Variants in CRISP2 observed in about 807,000 individuals in gnomAD.
The protein encoded by CRISP2 is cysteine-rich secretory protein 2.
In CRISP2, 29 loss-of-function variants were observed where a neutral mutation model predicts 31.7. The ratio of observed to expected loss-of-function variants is 0.92; its 90% confidence interval spans 0.68 to 1.25. The LOEUF (loss-of-function observed/expected upper bound fraction) is 1.25. Among genes scored for constraint, CRISP2 ranks in the 50% most tolerant of loss-of-function variants. The pLI, the probability that CRISP2 is intolerant of heterozygous loss-of-function variation, is 0.00. For synonymous variants in CRISP2, 111 were observed against 101.4 expected (o/e 1.09, Z -0.57); for missense variants, 318 against 286.5 (o/e 1.11, Z -0.79).
At chr6:49,685,264 G>A in the CRISP2 span, among the ~76,000 whole-genome samples, 76,536 of 152,060 alleles carry the variant, frequency 0.5, 19,643 homozygotes, top group East Asian at 0.77. Flanking sequence ...CAGCATTTCC[G>A]CCCTTTGGTG....
rs1165518459 is a variant in CRISP2, at chr6:49,701,500, G to GTA, written c.67-718_67-717dup. On this transcript the variant is annotated intron_variant, in intron 4 of 9. Transcript: ENST00000339139. ...AGCAGTATTACGTGTGTGTGTGTGT[G>GTA]TATATATATATATATATATATATAT... is the stretch of plus-strand genomic sequence containing the variant. Among the ~76,000 whole-genome samples, 201 of 46,536 alleles carry GTA rather than the reference G, an allele frequency of 4.3e-3. 4 individuals are homozygous for GTA. Among genetic ancestry groups the GTA allele is most frequent in the African/African-American group, 0.02 (190 of 9,726 alleles). 30.5% of individuals were successfully genotyped at this position (46,536 alleles called of 152,430 possible). A position where few individuals can be genotyped will look rare whatever the true frequency, so the allele number is the denominator to read the frequency against.
At chr6:49,707,618 G>A in intron 4 of CRISP2, among the ~76,000 whole-genome samples, 1 of 152,340 alleles carries the variant, frequency 6.6e-6, no homozygotes, top group African/African-American at 2.4e-5. Flanking sequence ...GGCCCTAGAT[G>A]ATGAATGAAT....
intron 4 of CRISP2, among the ~76,000 whole-genome samples, chr6:49,701,889 ATAT>A (rs1175054812): frequency 2.0e-4 from 18 of 89,060 alleles, no homozygotes; most frequent in Admixed American, 1.4e-3. Flanking sequence ...TATATATTAT[ATAT>A]TATTATATAT....
Position 49,698,437 on chromosome 6 carries a change from C to T in CRISP2, c.342G>A (p.Trp114Ter). The T allele has an allele frequency of 1.9e-6, 3 of 1,613,404 alleles. No homozygotes were observed. Among genetic ancestry groups the T allele is most frequent in the Non-Finnish European group, 2.5e-6 (3 of 1,179,638 alleles). ...PTSWSSAIQS[W>*]YDEILDFVYG... ...AGACAAAATCTAGGATCTCGTCATA[C>T]CAGCTTTGGATTGCAGAAGACCAGG... Residue 114 changes from tryptophan to a stop codon, truncating the protein, a stop_gained, in exon 7 of 10, where the codon TGG becomes TGA. Coordinates refer to ENST00000339139, the MANE Select transcript of CRISP2 (RefSeq NM_003296.4). LOFTEE classifies it high-confidence loss of function.
chr6:49,709,680 G>C (rs1242367939), intron 3 of CRISP2, among the ~76,000 whole-genome samples: 2 of 152,182 alleles, frequency 1.3e-5, no homozygotes, highest in African/African-American at 4.8e-5. Flanking sequence ...AAGATGACAA[G>C]GTTGTGATTA....
chr6:49,688,573 G>T (rs891479831), downstream of CRISP2, among the ~76,000 whole-genome samples: 4 of 152,054 alleles, frequency 2.6e-5, no homozygotes, highest in Non-Finnish European at 5.9e-5. Context: ...AAAATATTCC[G>T]AAAACAGATC....
At chr6:49,706,038 G>A (rs1290358458) in intron 4 of CRISP2, among the ~76,000 whole-genome samples, 1 of 152,230 alleles carries the variant, frequency 6.6e-6, no homozygotes, top group Non-Finnish European at 1.5e-5. Context: ...GCAACTGCAA[G>A]TTAGTCCTGC....
At chr6:49,678,868 C>A in the CRISP2 span, among the ~76,000 whole-genome samples, 1 of 152,082 alleles carries the variant, frequency 6.6e-6, no homozygotes, top group African/African-American at 2.4e-5. Flanking sequence ...GTCCCTGACT[C>A]CTCAAAATGA....
rs199692285 is a variant in CRISP2 at position 49,701,610 on chromosome 6, GTATATATATATACATTA to G, written c.67-843_67-827del. 2.1e-3 allele frequency among the ~76,000 whole-genome samples: 118 copies of G among 57,486 alleles called. 7 individuals are homozygous for G. Among genetic ancestry groups the G allele is most frequent in the East Asian group, 5.3e-3 (8 of 1,508 alleles). The allele number at this position is 57,486 out of a possible 152,430, so 37.7% of individuals were successfully genotyped here. A position where few individuals can be genotyped will look rare whatever the true frequency, so the allele number is the denominator to read the frequency against. On this transcript the variant is annotated intron_variant, in intron 4 of 9. Coordinates refer to ENST00000339139, the MANE Select transcript of CRISP2 (RefSeq NM_003296.4). ...GTGTATATATATACACACACACACG[GTATATATATATACATTA>G]TATATGTATACATTATATATGTATA...
At chr6:49,686,263 A>G in the CRISP2 span, among the ~76,000 whole-genome samples, 7 of 152,202 alleles carry the variant, frequency 4.6e-5, no homozygotes, top group African/African-American at 1.7e-4. Context: ...AGTTTATTTA[A>G]CCTGCCTTTT....
Position 49,692,552 on chromosome 6 carries a change from A to G in CRISP2, c.*221T>C, listed in dbSNP as rs1381001779. Reference sequence around the variant, plus strand: ...TCCTCAACCTGATTCAGTTCGTTATAAAGCACTAAATTTATGTCAGAGTTC... The same window carrying G: ...TCCTCAACCTGATTCAGTTCGTTATGAAGCACTAAATTTATGTCAGAGTTC... On this transcript the variant is annotated 3_prime_UTR_variant, in exon 10 of 10. Transcript: ENST00000339139. 4.7e-6 allele frequency: 2 copies of G among 421,418 alleles called. No homozygotes were observed. Among genetic ancestry groups the G allele is most frequent in the Non-Finnish European group, 4.3e-6 (1 of 233,646 alleles). The allele number at this position is 421,418 out of a possible 1,614,324, so 26.1% of individuals were successfully genotyped here.
intron 3 of CRISP2, among the ~76,000 whole-genome samples, chr6:49,710,094 A>G (rs1767744064): frequency 6.6e-6 from 1 of 152,126 alleles, no homozygotes; most frequent in African/African-American, 2.4e-5. Context: ...TGAGACTGTC[A>G]CTCCCAAATT....
At chr6:49,695,775 T>C in intron 9 of CRISP2, 61 bp downstream of exon 9, 1 of 1,259,410 alleles carries the variant, frequency 7.9e-7, no homozygotes, top group Non-Finnish European at 1.1e-6. Flanking sequence ...TTAAATTATA[T>C]AAAGAAAAGA....
At chr6:49,702,575 T>C (rs1766285593) in intron 4 of CRISP2, among the ~76,000 whole-genome samples, 1 of 152,090 alleles carries the variant, frequency 6.6e-6, no homozygotes, top group Non-Finnish European at 1.5e-5. Context: ...TGAGCAGCTT[T>C]TCGTATGTTG....
At chr6:49,688,464 T>G (rs1763953006), downstream of CRISP2, among the ~76,000 whole-genome samples, 1 of 152,324 alleles carries the variant, frequency 6.6e-6, no homozygotes, top group South Asian at 2.1e-4. Context: ...ATTAAAATAT[T>G]ATCTGCCACA....
At chr6:49,681,608 G>T in the CRISP2 span, among the ~76,000 whole-genome samples, 1 of 152,100 alleles carries the variant, frequency 6.6e-6, no homozygotes, top group African/African-American at 2.4e-5. Context: ...AACAAATTTA[G>T]TGTAGCAAAT....
intron 5 of CRISP2, 62 bp from the exon 6 acceptor site, chr6:49,699,953 A>G (rs1765382083): frequency 7.2e-7 from 1 of 1,390,338 alleles, no homozygotes; most frequent in African/African-American, 1.4e-5. Flanking sequence ...CATACACTTT[A>G]TAATCTGATT....
chr6:49,691,599 AT>A (rs1248847890), downstream of CRISP2, among the ~76,000 whole-genome samples: 1 of 151,768 alleles, frequency 6.6e-6, no homozygotes, highest in African/African-American at 2.4e-5. Flanking sequence ...CTCTCTATAT[AT>A]TTTTTCCGTT....
At chr6:49,683,990 GA>G in the CRISP2 span, among the ~76,000 whole-genome samples, 20 of 152,014 alleles carry the variant, frequency 1.3e-4, 1 homozygote, top group East Asian at 3.9e-3. Flanking sequence ...AAAAGTATAA[GA>G]CTTTGAGTCC....
Sources: allele counts gnomAD v4.1 joint callset (sites outside exome capture counted in the v4.1 genomes callset), GRCh38; gene constraint gnomAD v4.1.1; transcripts MANE v1.5; gene names NCBI Gene and HGNC (gene_info 2026-07-23, HGNC 2026-07-21).